Variants in TTC23L observed in about 807,000 individuals in gnomAD.
The protein encoded by TTC23L is tetratricopeptide repeat domain 23 like, also known as tetratricopeptide repeat protein 23-like.
A neutral mutation model predicts 48.1 loss-of-function variants in TTC23L; 42 were observed. That is an observed-to-expected ratio of 0.87 (90% CI 0.68 to 1.13). The LOEUF (loss-of-function observed/expected upper bound fraction) is 1.13, where lower values mean the gene tolerates loss of function less well. Among genes scored for constraint, TTC23L ranks in the 50% most tolerant of loss-of-function variants. The probability of loss-of-function intolerance (pLI) is 0.00; values close to 1 mark genes in which losing one functional copy is unlikely to be tolerated. For synonymous variants in TTC23L, 159 were observed against 157.2 expected (o/e 1.01, Z -0.09); for missense variants, 391 against 421.0 (o/e 0.93, Z 0.62).
intron 8 of TTC23L, 57 bp from the exon 9 acceptor site, chr5:34,880,124 A>G: frequency 6.4e-7 from 1 of 1,563,860 alleles, no homozygotes; most frequent in Non-Finnish European, 8.6e-7. Context: ...CAAAGCTGAT[A>G]TTAGACATTT....
chr5:34,840,456 T>G (rs1028052217), intron 1 of TTC23L, among the ~76,000 whole-genome samples: 8 of 152,130 alleles, frequency 5.3e-5, no homozygotes, highest in African/African-American at 1.9e-4. Flanking sequence ...GGAGTTGAAA[T>G]TAGGGGAAAG....
At chr5:34,840,958 G>A (rs952766943) in intron 2 of TTC23L, among the ~76,000 whole-genome samples, 1 of 152,094 alleles carries the variant, frequency 6.6e-6, no homozygotes, top group Admixed American at 6.6e-5. Flanking sequence ...TGAGGCAGGA[G>A]AATAGCTGAA....
At chr5:34,900,214 C>A (rs1763469241), downstream of TTC23L, among the ~76,000 whole-genome samples, 1 of 152,296 alleles carries the variant, frequency 6.6e-6, no homozygotes, top group South Asian at 2.1e-4. Context: ...CTGCTAATAG[C>A]CTACTGTTAA....
the TTC23L span, chr5:34,913,904 T>C: frequency 2.2e-6 from 1 of 454,278 alleles, no homozygotes; most frequent in South Asian, 1.6e-5. Flanking sequence ...TTTTTATTGA[T>C]ACGGGGGTCT....
chr5:34,886,276 G>A (rs1286398434), intron 9 of TTC23L, among the ~76,000 whole-genome samples: 1 of 150,784 alleles, frequency 6.6e-6, no homozygotes, highest in Non-Finnish European at 1.5e-5. Context: ...TGATCCTGGT[G>A]GGTTATGTCA....
In TTC23L at chr5:34,897,884, CTATT is replaced by C. The variant is rs562047988; in HGVS notation, c.*97+1012_*97+1015del. On this transcript the variant is annotated intron_variant, in intron 10 of 10. Coordinates refer to ENST00000505624, the Ensembl canonical transcript of TTC23L. The stretch of plus-strand genomic sequence containing the variant: ...TTATGAACTATGATTATCTCATCAA[CTATT>C]TAATCTGATCATAGAAATATGACTT... Among the ~76,000 whole-genome samples, 329 of 152,278 alleles carry C rather than the reference CTATT, an allele frequency of 2.2e-3. 4 individuals are homozygous for C. The highest frequency in any genetic ancestry group is 7.5e-3 in the African/African-American group (313 of 41,566).
chr5:34,903,464 C>T (rs1053904272), downstream of TTC23L, among the ~76,000 whole-genome samples: 1 of 152,116 alleles, frequency 6.6e-6, no homozygotes, highest in Admixed American at 6.6e-5. Flanking sequence ...AACTGATGAA[C>T]CCACACTGAC....
chr5:34,914,787 A>T, the TTC23L span: 4 of 1,614,240 alleles, frequency 2.5e-6, no homozygotes, highest in Non-Finnish European at 2.5e-6. Context: ...TGTTCTCGGA[A>T]ATGAATAGCT....
chr5:34,907,248 T>A, the TTC23L span: 1 of 152,210 alleles, frequency 6.6e-6, no homozygotes, highest in Admixed American at 6.5e-5. Context: ...TGAATACAAT[T>A]GAATGGTTCT....
At chr5:34,906,143 T>C in the TTC23L span, 1 of 151,686 alleles carries the variant, frequency 6.6e-6, no homozygotes, top group African/African-American at 2.4e-5. Context: ...TTAGTAGAGG[T>C]AGGGGTTTCA....
chr5:34,922,207 C>T, the TTC23L span: 2 of 1,511,772 alleles, frequency 1.3e-6, no homozygotes, highest in Non-Finnish European at 1.8e-6. Flanking sequence ...CTATACTTTG[C>T]TTCCTTTAGG....
intron 9 of TTC23L, 122 bp downstream of exon 9, chr5:34,880,430 C>A: frequency 9.7e-7 from 1 of 1,034,300 alleles, no homozygotes; most frequent in East Asian, 2.7e-5. Flanking sequence ...AGGCAAGAAC[C>A]ACATTGTTTC....
At chr5:34,882,657 AC>A (rs1357459216) in intron 9 of TTC23L, among the ~76,000 whole-genome samples, 4 of 142,148 alleles carry the variant, frequency 2.8e-5, no homozygotes, top group African/African-American at 1.0e-4. Context: ...ACACACACAC[AC>A]AATATCTTTT....
chr5:34,862,163 A>G (rs35201236), intron 4 of TTC23L, among the ~76,000 whole-genome samples: 3 of 152,188 alleles, frequency 2.0e-5, no homozygotes, highest in South Asian at 2.1e-4. Flanking sequence ...AAAAGAAAAA[A>G]CAAGGGGAAA....
the TTC23L span, chr5:34,921,289 T>C: frequency 7.9e-5 from 12 of 152,196 alleles, no homozygotes; most frequent in African/African-American, 2.9e-4. Context: ...CTTCAAGACA[T>C]TGAAGTTTAA....
At chr5:34,922,775 T>C in the TTC23L span, 1 of 1,612,832 alleles carries the variant, frequency 6.2e-7, no homozygotes. Context: ...CCCTGTAAGT[T>C]TCTCATTCAG....
chr5:34,897,953 G>C (rs1340428442), intron 10 of TTC23L, among the ~76,000 whole-genome samples: 5 of 152,154 alleles, frequency 3.3e-5, no homozygotes, highest in Admixed American at 3.3e-4. Context: ...ATTCATGGTG[G>C]TTAAGAGCTG....
chr5:34,918,549 A>C, the TTC23L span: 1 of 852,572 alleles, frequency 1.2e-6, no homozygotes, highest in Non-Finnish European at 1.8e-6. Flanking sequence ...CTTATTTTAT[A>C]TATTCTTCAT....
At chr5:34,840,158 C>G (rs1036352118) in intron 1 of TTC23L, among the ~76,000 whole-genome samples, 1 of 139,690 alleles carries the variant, frequency 7.2e-6, no homozygotes, top group African/African-American at 2.7e-5. Flanking sequence ...TCCCACAGTG[C>G]TGGGATTACA....
Sources: allele counts gnomAD v4.1 joint callset (sites outside exome capture counted in the v4.1 genomes callset), GRCh38; gene constraint gnomAD v4.1.1; transcripts MANE v1.5; gene names NCBI Gene and HGNC (gene_info 2026-07-23, HGNC 2026-07-21).